The following DDX19B variants were observed in gnomAD, a reference collection of about 807,000 sequenced individuals.
DDX19B encodes ATP-dependent RNA helicase DDX19B.
A neutral mutation model predicts 58.1 loss-of-function variants in DDX19B; 27 were observed. That is an observed-to-expected ratio of 0.46 (90% CI 0.34 to 0.64). The LOEUF (loss-of-function observed/expected upper bound fraction) is 0.64, where lower values mean the gene tolerates loss of function less well. Among genes scored for constraint, DDX19B ranks in the 30% least tolerant of loss-of-function variants. The pLI is 0.01. For synonymous variants in DDX19B, 187 were observed against 214.4 expected (o/e 0.87, Z 1.12); for missense variants, 399 against 596.5 (o/e 0.67, Z 3.45).
chr16:70,324,719 A>C, intron 6 of DDX19B, 32 bp downstream of exon 6: 1 of 1,581,834 alleles, frequency 6.3e-7, no homozygotes, highest in South Asian at 1.1e-5. Flanking sequence ...TTTTCTACTA[A>C]TGCATAGATA....
At chr16:70,298,231 C>T (rs1187009355), upstream of DDX19B, among the ~76,000 whole-genome samples, 1 of 151,926 alleles carries the variant, frequency 6.6e-6, no homozygotes, top group African/African-American at 2.4e-5. Flanking sequence ...CATGGTGAAA[C>T]ACCATCTCTA....
intron 5 of DDX19B, among the ~76,000 whole-genome samples, chr16:70,321,904 A>T (rs749731418): frequency 3.2e-4 from 48 of 151,840 alleles, no homozygotes; most frequent in Non-Finnish European, 6.0e-4. Context: ...GCATGGTGGC[A>T]CGTGCCTGTA....
chr16:70,329,238 AAAAAAG>A, intron 7 of DDX19B, 48 bp from the exon 8 acceptor site: 1 of 1,571,960 alleles, frequency 6.4e-7, no homozygotes, highest in South Asian at 1.2e-5. Flanking sequence ...AAAAAAAAAA[AAAAAAG>A]AAAGAAAGAA....
intron 4 of DDX19B, 79 bp downstream of exon 4, chr16:70,316,183 C>A: frequency 6.4e-6 from 10 of 1,564,160 alleles, no homozygotes; most frequent in Non-Finnish European, 8.7e-6. Context: ...TATCTTTTGA[C>A]CACAACAGAG....
At chr16:70,306,586 C>T (rs141694799) in intron 1 of DDX19B, among the ~76,000 whole-genome samples, 14 of 152,222 alleles carry the variant, frequency 9.2e-5, no homozygotes, top group East Asian at 5.8e-4. Context: ...AGAACAGAAA[C>T]TCATAATAAT....
intron 5 of DDX19B, among the ~76,000 whole-genome samples, chr16:70,318,831 G>A (rs964748854): frequency 3.3e-4 from 49 of 149,294 alleles, no homozygotes; most frequent in Non-Finnish European, 7.1e-4. Flanking sequence ...ATGGCCGGGA[G>A]CAGTGGCTCA....
intron 2 of DDX19B, among the ~76,000 whole-genome samples, chr16:70,314,285 TCTATAA>T (rs1430120643): frequency 1.3e-5 from 2 of 152,152 alleles, no homozygotes; most frequent in African/African-American, 4.8e-5. Context: ...CTCTAATCTT[TCTATAA>T]TATTTAAGAA....
At chr16:70,294,183 G>A (rs1418122228), upstream of DDX19B, among the ~76,000 whole-genome samples, 1 of 142,208 alleles carries the variant, frequency 7.0e-6, no homozygotes. Context: ...CCGGGTTCAC[G>A]CCATTCTCCT....
chr16:70,299,082 A>AG, upstream of DDX19B: 1 of 1,236,980 alleles, frequency 8.1e-7, no homozygotes, highest in Non-Finnish European at 1.0e-6. Context: ...CCCGGGGTTG[A>AG]GGGGTACGGG....
Position 70,314,912 on chromosome 16 carries a change from C to G in DDX19B, c.117C>G (p.Val39=). 6.2e-7 allele frequency: 1 copy of G among 1,609,192 alleles called. No individual in the cohort carries two copies. The highest frequency in any genetic ancestry group is 8.5e-7 in the Non-Finnish European group (1 of 1,176,908). The change falls in exon 3 of 12, where the codon GTC becomes GTG. Residue 39 remains valine, a synonymous_variant. Coordinates refer to ENST00000288071, the MANE Select transcript of DDX19B (RefSeq NM_007242.7). ...KIKPDTNGAV[V]KTNANAEKTD... Reference sequence around the variant, plus strand: ...TTTGTGTCTATAAAGGTGCTGTTGTCAAGACCAATGCCAATGCAGAGAAGA... The same window carrying G: ...TTTGTGTCTATAAAGGTGCTGTTGTGAAGACCAATGCCAATGCAGAGAAGA...
At chr16:70,298,840 T>C (rs759097105), upstream of DDX19B, among the ~76,000 whole-genome samples, 1 of 152,182 alleles carries the variant, frequency 6.6e-6, no homozygotes, top group Non-Finnish European at 1.5e-5. Context: ...ATCTGGACAT[T>C]TTAAATTACC....
intron 2 of DDX19B, among the ~76,000 whole-genome samples, chr16:70,314,562 G>A (rs920210706): frequency 5.3e-5 from 8 of 151,798 alleles, no homozygotes; most frequent in African/African-American, 1.9e-4. Context: ...TACTCGGGAG[G>A]CTGAGGCAAG....
upstream of DDX19B, among the ~76,000 whole-genome samples, chr16:70,294,305 T>C (rs377113859): frequency 1.4e-3 from 209 of 151,884 alleles, 4 homozygotes; most frequent in African/African-American, 4.5e-3. Flanking sequence ...ATGGCCTCGA[T>C]CTCCTGACCT....
At chr16:70,298,689 C>T (rs1442422392), upstream of DDX19B, among the ~76,000 whole-genome samples, 3 of 152,014 alleles carry the variant, frequency 2.0e-5, no homozygotes, top group South Asian at 2.1e-4. Flanking sequence ...GATTCTACAA[C>T]GCTTACATAG....
intron 9 of DDX19B, 152 bp from the exon 10 acceptor site, chr16:70,331,570 A>G (rs938940086): frequency 9.7e-7 from 1 of 1,035,556 alleles, no homozygotes; most frequent in Non-Finnish European, 1.4e-6. Flanking sequence ...GGTGTGTACT[A>G]CCATGCTTCA....
At chr16:70,295,014 G>T (rs1261471399), upstream of DDX19B, 1 of 1,362,878 alleles carries the variant, frequency 7.3e-7, no homozygotes, top group Non-Finnish European at 9.5e-7. Flanking sequence ...AATATTTCTC[G>T]AGGCTTCGGC....
chr16:70,304,030 ATGCATTGAGGT>A (rs1304650538), intron 1 of DDX19B, among the ~76,000 whole-genome samples: 1 of 151,704 alleles, frequency 6.6e-6, no homozygotes, highest in East Asian at 1.9e-4. Context: ...AATAAGGGGT[ATGCATTGAGGT>A]TCATCTTTTT....
At chr16:70,333,231 C>T (rs1196576763) in intron 11 of DDX19B, 72 bp downstream of exon 11, 1 of 743,148 alleles carries the variant, frequency 1.3e-6, no homozygotes, top group Non-Finnish European at 2.2e-6. Context: ...GGGGTAGGAT[C>T]TTCTGTAGCC....
upstream of DDX19B, chr16:70,295,037 C>A: frequency 1.5e-6 from 2 of 1,319,022 alleles, no homozygotes; most frequent in Non-Finnish European, 1.9e-6. Flanking sequence ...AAGGTCTTAG[C>A]CTTGTGATCT....
Sources: gnomAD v4.1 joint callset for allele counts (sites outside exome capture counted in the v4.1 genomes callset) on GRCh38, gnomAD v4.1.1 for gene constraint, MANE v1.5 for transcripts, NCBI Gene and HGNC (gene_info 2026-07-23, HGNC 2026-07-21) for gene names.